Variants in PHEX observed in about 807,000 individuals in gnomAD.
The protein encoded by PHEX is phosphate-regulating neutral endopeptidase PHEX.
PHEX carries 16 observed loss-of-function variants against 68.0 expected under a neutral mutation model. The ratio of observed to expected loss-of-function variants is 0.24; its 90% CI spans 0.16 to 0.36. The LOEUF is 0.36. PHEX is among the 10% of genes least tolerant of loss of function. The pLI is 1.00. For missense variants in PHEX, 480 were observed against 575.5 expected (o/e 0.83, Z 1.70); for synonymous variants, 208 against 205.1 (o/e 1.01, Z -0.12).
intron 2 of PHEX, among the ~76,000 whole-genome samples, chrX:22,044,675 TG>T (rs1482232414): frequency 9.2e-6 from 1 of 109,191 alleles, no homozygotes; most frequent in Non-Finnish European, 1.9e-5. Flanking sequence ...ATCACGCCAC[TG>T]CACTCCAGCC....
intron 11 of PHEX, among the ~76,000 whole-genome samples, chrX:22,124,958 T>C (rs1931651836): frequency 8.9e-6 from 1 of 112,102 alleles, no homozygotes; most frequent in African/African-American, 3.2e-5. Flanking sequence ...ATTTTCTAAC[T>C]ATCCTTAGTT....
At chrX:22,158,102 G>C (rs1933004483) in intron 12 of PHEX, among the ~76,000 whole-genome samples, 1 of 112,024 alleles carries the variant, frequency 8.9e-6, no homozygotes, top group African/African-American at 3.2e-5. Context: ...CTGTTCCCCT[G>C]ACTAATTTTC....
At chrX:22,206,703 G>A (rs1275800069) in intron 15 of PHEX, among the ~76,000 whole-genome samples, 1 of 111,348 alleles carries the variant, frequency 9.0e-6, no homozygotes, top group Admixed American at 9.6e-5. Context: ...GAGAAGAGAG[G>A]CGTAGGGCAA....
At chrX:22,046,398 G>A (rs1927529074) in intron 2 of PHEX, among the ~76,000 whole-genome samples, 1 of 111,349 alleles carries the variant, frequency 9.0e-6, no homozygotes, top group Non-Finnish European at 1.9e-5. Flanking sequence ...AGAGCAGCAA[G>A]GTCACTTTGC....
chrX:22,187,951 G>A (rs766350899), intron 14 of PHEX, among the ~76,000 whole-genome samples: 23 of 111,496 alleles, frequency 2.1e-4, no homozygotes, highest in African/African-American at 6.5e-4. Flanking sequence ...CATTATCCTC[G>A]TCTGTGAAAT....
At chrX:22,196,143 T>C (rs187043983) in intron 15 of PHEX, among the ~76,000 whole-genome samples, 29 of 111,466 alleles carry the variant, frequency 2.6e-4, no homozygotes, top group African/African-American at 9.2e-4. Flanking sequence ...TATGCCACTG[T>C]ACTCCAGCCT....
chrX:22,033,858 C>T, intron 1 of PHEX, among the ~76,000 whole-genome samples: 1 of 111,778 alleles, frequency 8.9e-6, no homozygotes, highest in Middle Eastern at 4.6e-3. Flanking sequence ...CTTTCTGAAC[C>T]CTTGACTATT....
chrX:22,173,022 G>A (rs867376288), intron 13 of PHEX: 1 of 78,181 alleles, frequency 1.3e-5, no homozygotes, highest in East Asian at 2.9e-4. Context: ...GTGTGTGTGT[G>A]TAGTGTGTGT....
chrX:22,073,023 G>A (rs1485655655), intron 3 of PHEX, among the ~76,000 whole-genome samples: 1 of 112,092 alleles, frequency 8.9e-6, no homozygotes, highest in Non-Finnish European at 1.9e-5. Context: ...AGAAGCAGAG[G>A]AAATGTTGAG....
At chrX:22,193,238 A>G (rs996117737) in intron 15 of PHEX, among the ~76,000 whole-genome samples, 1 of 111,172 alleles carries the variant, frequency 9.0e-6, no homozygotes, top group Non-Finnish European at 1.9e-5. Flanking sequence ...AATTGTTTAG[A>G]TTATTCACTT....
At chrX:22,193,360 G>A (rs556180526) in intron 15 of PHEX, among the ~76,000 whole-genome samples, 2 of 110,993 alleles carry the variant, frequency 1.8e-5, no homozygotes, top group Non-Finnish European at 3.8e-5. Flanking sequence ...ATGTGCCTAC[G>A]ACGCCCTCAC....
rs768041658 is a variant in PHEX at position 22,138,444 on chromosome X, G to A, written c.1404+4820G>A. 1.5e-4 allele frequency among the ~76,000 whole-genome samples: 17 copies of A among 112,276 alleles called. No individual in the cohort carries two copies. The East Asian group carries it at 2.8e-3, about 19-fold the overall frequency. ...GCAGGGCAGACCAGGAGAAGTGTTA[G>A]GTAACGTGATGGAGACGAAAGGGGT... On this transcript the variant is annotated intron_variant, in intron 12 of 21. Coordinates refer to ENST00000379374, the MANE Select transcript of PHEX (RefSeq NM_000444.6).
At chrX:22,239,297 T>C (rs747508789) in intron 20 of PHEX, among the ~76,000 whole-genome samples, 1 of 111,546 alleles carries the variant, frequency 9.0e-6, no homozygotes, top group Non-Finnish European at 1.9e-5. Flanking sequence ...GCAAAAAGGC[T>C]GAAAACTCCA....
intron 15 of PHEX, among the ~76,000 whole-genome samples, chrX:22,209,709 T>TTCCCTCTGCTCCCTCTGC (rs201089683): frequency 4.3e-5 from 3 of 70,322 alleles, no homozygotes; most frequent in Admixed American, 1.7e-4. Flanking sequence ...TCTCCCTCTC[T>TTCCCTCTGCTCCCTCTGC]TCCCTCTGCT....
At chrX:22,210,639 G>A (rs1467180002) in intron 15 of PHEX, among the ~76,000 whole-genome samples, 1 of 111,007 alleles carries the variant, frequency 9.0e-6, no homozygotes, top group Non-Finnish European at 1.9e-5. Flanking sequence ...AAAAGAGGAT[G>A]GAATATTGAT....
At chrX:22,210,401 G>A (rs1934882540) in intron 15 of PHEX, among the ~76,000 whole-genome samples, 2 of 111,821 alleles carry the variant, frequency 1.8e-5, no homozygotes. Context: ...GGACGTAAAT[G>A]CTTCCAGCTG....
At chrX:22,062,885 C>T (rs774509017) in intron 3 of PHEX, among the ~76,000 whole-genome samples, 2 of 110,997 alleles carry the variant, frequency 1.8e-5, no homozygotes, top group Admixed American at 9.7e-5. Flanking sequence ...CTCAACCTCC[C>T]GAGTAGCTGG....
chrX:22,198,785 T>G (rs1378997851), intron 15 of PHEX, among the ~76,000 whole-genome samples: 1 of 111,454 alleles, frequency 9.0e-6, no homozygotes, highest in African/African-American at 3.3e-5. Context: ...GCAAATAACT[T>G]AAGTTTTACT....
At chrX:22,149,118 C>T (rs1427216379) in intron 12 of PHEX, among the ~76,000 whole-genome samples, 5 of 111,885 alleles carry the variant, frequency 4.5e-5, no homozygotes, top group African/African-American at 1.3e-4. Flanking sequence ...GGGTCCTGTA[C>T]GCCATAACCA....
Sources: allele counts gnomAD v4.1 joint callset (sites outside exome capture counted in the v4.1 genomes callset), GRCh38; gene constraint gnomAD v4.1.1; transcripts MANE v1.5; gene names NCBI Gene and HGNC (gene_info 2026-07-23, HGNC 2026-07-21).